Variants in KMT2A observed in about 807,000 individuals in gnomAD.
KMT2A encodes the protein lysine methyltransferase 2A, also known as histone-lysine N-methyltransferase 2A.
In KMT2A, 16 loss-of-function variants were observed where a neutral mutation model predicts 345.3. That is an observed-to-expected ratio of 0.05 (90% CI 0.03 to 0.07). The LOEUF is 0.07. KMT2A is among the 10% of genes least tolerant of loss of function. The pLI, the probability that KMT2A is intolerant of heterozygous loss-of-function variation, is 1.00. For synonymous variants in KMT2A, 1,599 were observed against 1,778.6 expected, an observed-to-expected ratio of 0.90 and a Z score of 2.54; for missense variants, 3,272 against 4,841.6, an observed-to-expected ratio of 0.68 and a Z score of 9.62.
At chr11:118,439,159 AAAAAAAAAAAAAAAG>A (rs1555139541) in intron 1 of KMT2A, 1 of 98,072 alleles carries the variant, frequency 1.0e-5, no homozygotes, top group Admixed American at 9.5e-5. Context: ...ATACAGCAGC[AAAAAAAAAAAAAAAG>A]AAAAAAAAGA....
rs1418049181 is a variant in KMT2A, at chr11:118,505,071, C to G, written c.9179C>G (p.Ser3060Cys). ...VPNSTDSPGP[S>C]QISNAAVQTT... ...AATTCTACTGATAGTCCTGGCCCGT[C>G]TCAGATTTCCAATGCAGCTGTCCAG... Residue 3060 changes from serine to cysteine, a missense_variant, in exon 27 of 36, where the codon TCT (serine) becomes TGT (cysteine). By Grantham distance (112) the Ser-to-Cys change is moderately radical (BLOSUM62 -1). Transcript: ENST00000534358. The surrounding 1 kb of genome is among the most constrained non-coding windows in gnomAD (Gnocchi z 4.6). The G allele has an allele frequency of 6.2e-7, 1 of 1,614,168 alleles. No individual in the cohort carries two copies. The highest frequency in any genetic ancestry group is 1.1e-5 in the South Asian group (1 of 91,074).
chr11:118,498,137 T>A lies in KMT2A; in HGVS notation c.5802+64T>A. The stretch of plus-strand genomic sequence containing the variant: ...TCTCAGTTTCCAGATATTCTTCCTG[T>A]GGGTGAATATGGCCTCCCTGATATT... On this transcript the variant is annotated intron_variant, in intron 21 of 35. Coordinates refer to ENST00000534358, the MANE Select transcript of KMT2A (RefSeq NM_001197104.2). The surrounding 1 kb of genome is among the most constrained non-coding windows in gnomAD (Gnocchi z 4.4). 1.3e-6 allele frequency: 2 copies of A among 1,526,552 alleles called. No individual in the cohort carries two copies. The highest frequency in any genetic ancestry group is 9.0e-7 in the Non-Finnish European group (1 of 1,106,162). The allele number at this position is 1,526,552 out of a possible 1,614,324, so 94.6% of individuals were successfully genotyped here. A position where few individuals can be genotyped will look rare whatever the true frequency, so the allele number is the denominator to read the frequency against.
chr11:118,509,810 G>C (rs968485741), intron 29 of KMT2A, 138 bp from the exon 30 acceptor site: 1 of 618,822 alleles, frequency 1.6e-6, no homozygotes, highest in Non-Finnish European at 2.5e-6. Flanking sequence ...TCTTGGGTTT[G>C]TTATCTATAA....
In KMT2A at chr11:118,472,731, T is replaced by C. The variant is rs182676246; in HGVS notation, c.1572T>C (p.Asn524=). The C allele has an allele frequency of 1.9e-6, 3 of 1,613,550 alleles. No individual in the cohort carries two copies. The highest frequency in any genetic ancestry group is 1.3e-5 in the African/African-American group (1 of 74,776). Residue 524 remains asparagine, a synonymous_variant, in exon 3 of 36, where the codon AAT becomes AAC. Transcript: ENST00000534358. ...PISQSPENES[N]DRRSRRYSVS... ...CCCAGTCCCCAGAAAATGAGAGTAA[T>C]GATAGGAGAAGCAGAAGGTATTCAG... is the stretch of plus-strand genomic sequence containing the variant.
At chr11:118,512,384 A>G (rs1555050356) in intron 31 of KMT2A, 1 of 241,684 alleles carries the variant, frequency 4.1e-6, no homozygotes, top group Non-Finnish European at 7.9e-6. Context: ...ATCAGACAAT[A>G]TGTAGCCTTT....
chr11:118,441,086 T>C (rs1284264764), intron 1 of KMT2A, among the ~76,000 whole-genome samples: 1 of 152,176 alleles, frequency 6.6e-6, no homozygotes, highest in African/African-American at 2.4e-5. Context: ...ATGATTCCTT[T>C]CTGTTGTATT....
At chr11:118,509,221 T>A (rs2134427703) in intron 29 of KMT2A, 21 bp downstream of exon 29, 1 of 1,591,822 alleles carries the variant, frequency 6.3e-7, no homozygotes, top group Non-Finnish European at 8.6e-7. Context: ...GGGTAAAAGG[T>A]TAGAATCAGA....
chr11:118,436,768 T>C lies in KMT2A; in HGVS notation c.256T>C (p.Ser86Pro), dbSNP rs1555138683. 6.2e-7 allele frequency: 1 copy of C among 1,603,600 alleles called. No homozygotes were observed. Among genetic ancestry groups the C allele is most frequent in the East Asian group, 2.3e-5 (1 of 44,046 alleles). Residue 86 changes from serine to proline, a missense_variant, in exon 1 of 36, where the codon TCG (serine) becomes CCG (proline). This residue lies in a region of KMT2A where 412 missense variants were observed against 511.0 expected (regional missense o/e 0.81). Coordinates refer to ENST00000534358, the MANE Select transcript of KMT2A (RefSeq NM_001197104.2). The surrounding 1 kb of genome is among the most constrained non-coding windows in gnomAD (Gnocchi z 6.9). ...GGAAAASAAS[S>P]SSASSSSSSS... ...AGCGGCCGCCGCCTCAGCAGCCTCC[T>C]CGTCGTCCGCCTCGTCTTCGTCTTC...
intron 28 of KMT2A, among the ~76,000 whole-genome samples, chr11:118,508,460 G>C (rs1555049220): frequency 6.6e-6 from 1 of 152,142 alleles, no homozygotes; most frequent in Non-Finnish European, 1.5e-5. Context: ...ACTGGGGCTG[G>C]ACACAGTGGC....
At chr11:118,512,692 T>G (rs1162227844) in intron 31 of KMT2A, among the ~76,000 whole-genome samples, 1 of 152,232 alleles carries the variant, frequency 6.6e-6, no homozygotes, top group Non-Finnish European at 1.5e-5. Context: ...CTTTAACTTT[T>G]TGAAGTACTG....
chr11:118,446,245 G>A (rs498684), intron 1 of KMT2A, among the ~76,000 whole-genome samples: 42,683 of 151,464 alleles, frequency 0.28, 7,673 homozygotes, highest in East Asian at 0.52. Context: ...GCTACTTGGG[G>A]GGCTGAGGCA....
Position 118,476,912 on chromosome 11 carries a change from T to C in KMT2A, c.3264T>C (p.Asp1088=). The stretch of plus-strand genomic sequence containing the variant: ...GCCGAAAACGAGCTGTGTTTCCTGA[T>C]GACATGCCCACCCTGAGTGCCTTAC... ...ALGRKRAVFP[D]DMPTLSALPW... is the part of the protein sequence containing the mutation. The change falls in exon 4 of 36, where the codon GAT becomes GAC. Residue 1088 remains aspartate, a synonymous_variant. Transcript: ENST00000534358. The surrounding 1 kb of genome is among the most constrained non-coding windows in gnomAD (Gnocchi z 4.1). 2 of 1,614,198 alleles carry C rather than the reference T, an allele frequency of 1.2e-6. No individual in the cohort carries two copies. The highest frequency in any genetic ancestry group is 1.3e-5 in the African/African-American group (1 of 75,048).
intron 1 of KMT2A, among the ~76,000 whole-genome samples, chr11:118,465,118 A>C (rs1949818581): frequency 6.6e-6 from 1 of 152,172 alleles, no homozygotes; most frequent in Non-Finnish European, 1.5e-5. Context: ...AAATCTATGA[A>C]GGAGGCGGAG....
chr11:118,481,629 C>A (rs537525713), intron 6 of KMT2A, 86 bp from the exon 7 acceptor site: 1 of 1,424,224 alleles, frequency 7.0e-7, no homozygotes, highest in Middle Eastern at 1.9e-4. Context: ...TGTGGGATTG[C>A]TGGATCATAT....
chr11:118,447,661 A>G (rs1949449598), intron 1 of KMT2A: 1 of 454,172 alleles, frequency 2.2e-6, no homozygotes, highest in Non-Finnish European at 4.4e-6. Flanking sequence ...GACCTTGGAG[A>G]CGGTTCTGAG....
Position 118,521,218 on chromosome 11 carries a change from A to T in KMT2A, c.11514-70A>T, listed in dbSNP as rs1391444726. On this transcript the variant is annotated intron_variant, in intron 34 of 35. Transcript: ENST00000534358. The surrounding 1 kb of genome is among the most constrained non-coding windows in gnomAD (Gnocchi z 5.3). ...GGGAACTAACAGACCAGGAGAACTT[A>T]TTCATGTATTCACGCACTTAACCTT... The T allele has an allele frequency of 2.8e-5, 43 of 1,519,402 alleles. No individual in the cohort carries two copies. The Admixed American group carries it at 6.3e-4, about 22-fold the overall frequency. The allele number at this position is 1,519,402 out of a possible 1,614,324, so 94.1% of individuals were successfully genotyped here. A position where few individuals can be genotyped will look rare whatever the true frequency, so the allele number is the denominator to read the frequency against.
intron 30 of KMT2A, among the ~76,000 whole-genome samples, chr11:118,511,075 C>T (rs1950677988): frequency 1.3e-5 from 2 of 152,118 alleles, no homozygotes; most frequent in Non-Finnish European, 2.9e-5. Flanking sequence ...AGTGCCAAAC[C>T]TTGAGGACTT....
intron 7 of KMT2A, 139 bp downstream of exon 7, chr11:118,482,231 T>C: frequency 9.5e-7 from 1 of 1,053,542 alleles, no homozygotes; most frequent in East Asian, 2.6e-5. Flanking sequence ...TTTCTAACTA[T>C]TATGTTTAAT....
rs781795624 is a variant in KMT2A at position 118,499,849 on chromosome 11, G to A, written c.6094G>A (p.Asp2032Asn). Reference sequence around the variant, plus strand: ...TCCTTGGTCAGGGTCTATGACAATCGACTGCTTAGGAATTCTAAATGATCT... The same window carrying A: ...TCCTTGGTCAGGGTCTATGACAATCAACTGCTTAGGAATTCTAAATGATCT... Reference protein sequence around the residue: ...IHMMIGSMTIDCLGILNDLSD... With the variant: ...IHMMIGSMTINCLGILNDLSD... Residue 2032 changes from aspartate (D) to asparagine (N), a missense_variant, in exon 24 of 36, where the codon GAC becomes AAC. Asp to Asn is a conservative substitution (Grantham distance 23). This residue lies in a region of KMT2A where 235 missense variants were observed against 503.4 expected (regional missense o/e 0.47). Coordinates refer to ENST00000534358, the MANE Select transcript of KMT2A (RefSeq NM_001197104.2). 1.2e-6 allele frequency: 2 copies of A among 1,611,268 alleles called. No homozygotes were observed. The highest frequency in any genetic ancestry group is 1.7e-6 in the Non-Finnish European group (2 of 1,177,492).
Sources: gnomAD v4.1 joint callset for allele counts (sites outside exome capture counted in the v4.1 genomes callset) on GRCh38, gnomAD v4.1.1 for gene constraint, gnomAD v4.1.1 regional missense constraint, Gnocchi (gnomAD v3.1) non-coding constraint, MANE v1.5 for transcripts, NCBI Gene and HGNC (gene_info 2026-07-23, HGNC 2026-07-21) for gene names.